BMAL2: variants seen among roughly 807,000 people sequenced by gnomAD.
The protein encoded by BMAL2 is basic helix-loop-helix ARNT like 2.
At chr12:27,389,040 A>G in the BMAL2 span, 15 of 700,036 alleles carry the variant, frequency 2.1e-5, no homozygotes, top group Non-Finnish European at 3.3e-5. Context: ...CATTAAGTTC[A>G]TGTCACACAG....
the BMAL2 span, chr12:27,387,294 G>A: frequency 1.2e-6 from 2 of 1,609,660 alleles, no homozygotes; most frequent in Non-Finnish European, 1.7e-6. Flanking sequence ...TTCTAAGTCA[G>A]TCTCCAAAAT....
At chr12:27,395,789 G>T in the BMAL2 span, among the ~76,000 whole-genome samples, 1 of 152,186 alleles carries the variant, frequency 6.6e-6, no homozygotes, top group African/African-American at 2.4e-5. Context: ...ATTCTGGGAG[G>T]AACTAAAGGA....
chr12:27,397,399 T>G, the BMAL2 span, among the ~76,000 whole-genome samples: 1 of 152,352 alleles, frequency 6.6e-6, no homozygotes, highest in Admixed American at 6.5e-5. Flanking sequence ...TGCTCATTAT[T>G]AATGATGAAA....
the BMAL2 span, among the ~76,000 whole-genome samples, chr12:27,377,916 G>A: frequency 6.6e-6 from 1 of 152,118 alleles, no homozygotes; most frequent in Non-Finnish European, 1.5e-5. Flanking sequence ...GGGTGTGGTA[G>A]CTCCCACAGC....
chr12:27,376,058 A>T, the BMAL2 span, among the ~76,000 whole-genome samples: 1 of 152,226 alleles, frequency 6.6e-6, no homozygotes, highest in Admixed American at 6.5e-5. Context: ...TTGTCATGAG[A>T]TCATATCTAA....
At chr12:27,375,965 C>T in the BMAL2 span, among the ~76,000 whole-genome samples, 1 of 152,118 alleles carries the variant, frequency 6.6e-6, no homozygotes, top group Non-Finnish European at 1.5e-5. Context: ...TTTAATACAG[C>T]TATCATAAAG....
the BMAL2 span, among the ~76,000 whole-genome samples, chr12:27,406,069 G>T: frequency 6.6e-6 from 1 of 152,180 alleles, no homozygotes; most frequent in Non-Finnish European, 1.5e-5. Context: ...AACAAACAAA[G>T]CCTCCAAGAA....
the BMAL2 span, chr12:27,401,564 A>C: frequency 6.2e-7 from 1 of 1,608,358 alleles, no homozygotes; most frequent in Non-Finnish European, 8.5e-7. Flanking sequence ...ATTCCTACAA[A>C]TTCAGAGCAA....
At chr12:27,400,434 A>T in the BMAL2 span, 1 of 1,033,778 alleles carries the variant, frequency 9.7e-7, no homozygotes, top group Non-Finnish European at 1.3e-6. Flanking sequence ...TTTAAAGAGC[A>T]TTTTATAGCA....
the BMAL2 span, among the ~76,000 whole-genome samples, chr12:27,376,153 G>A: frequency 0.18 from 27,085 of 152,158 alleles, 3,073 homozygotes; most frequent in African/African-American, 0.3. Context: ...GCCTGTCAGC[G>A]TTAGGAGGAG....
the BMAL2 span, among the ~76,000 whole-genome samples, chr12:27,377,000 C>CAAAAAAA: frequency 5.4e-5 from 5 of 91,744 alleles, no homozygotes; most frequent in Non-Finnish European, 6.1e-5. Context: ...AACTCCGTCT[C>CAAAAAAA]AAAAAAAAAA....
chr12:27,401,900 ATG>A, the BMAL2 span, among the ~76,000 whole-genome samples: 1 of 152,232 alleles, frequency 6.6e-6, no homozygotes, highest in African/African-American at 2.4e-5. Context: ...TTGATATAAT[ATG>A]TGAGGGTAAA....
the BMAL2 span, chr12:27,401,302 T>C: frequency 6.2e-7 from 1 of 1,614,174 alleles, no homozygotes; most frequent in Non-Finnish European, 8.5e-7. Context: ...TTTTGGGAAC[T>C]TCTTGTTATG....
At chr12:27,385,531 G>C in the BMAL2 span, 1 of 1,605,616 alleles carries the variant, frequency 6.2e-7, no homozygotes, top group African/African-American at 1.3e-5. Flanking sequence ...ATTTCTTCAG[G>C]ATAATGAGCT....
chr12:27,352,140 A>G, the BMAL2 span, among the ~76,000 whole-genome samples: 1 of 152,234 alleles, frequency 6.6e-6, no homozygotes, highest in African/African-American at 2.4e-5. Flanking sequence ...TATCTTTAAT[A>G]ATTTTAGGAT....
the BMAL2 span, among the ~76,000 whole-genome samples, chr12:27,342,765 T>C: frequency 6.6e-6 from 1 of 152,260 alleles, no homozygotes; most frequent in African/African-American, 2.4e-5. Context: ...GGCCATCTCT[T>C]CTGTAACAAG....
the BMAL2 span, among the ~76,000 whole-genome samples, chr12:27,362,632 G>C: frequency 6.6e-6 from 1 of 151,940 alleles, no homozygotes; most frequent in African/African-American, 2.4e-5. Context: ...CTTGCTTTCT[G>C]TATAGGGAGA....
At chr12:27,411,481 A>G in the BMAL2 span, among the ~76,000 whole-genome samples, 2 of 151,904 alleles carry the variant, frequency 1.3e-5, no homozygotes, top group Non-Finnish European at 2.9e-5. Flanking sequence ...AGCCACGCAT[A>G]GTGGGGCACA....
At chr12:27,384,821 C>A in the BMAL2 span, among the ~76,000 whole-genome samples, 1 of 152,148 alleles carries the variant, frequency 6.6e-6, no homozygotes, top group Non-Finnish European at 1.5e-5. Context: ...TGTTTGCAGG[C>A]CATGGTGGAC....
Sources: gnomAD v4.1 joint callset for allele counts (sites outside exome capture counted in the v4.1 genomes callset) on GRCh38, gnomAD v4.1.1 for gene constraint, MANE v1.5 for transcripts, NCBI Gene and HGNC (gene_info 2026-07-23, HGNC 2026-07-21) for gene names.